Variants in CNTN4 observed in about 807,000 individuals in gnomAD.
CNTN4 encodes contactin-4.
CNTN4 carries 77 observed loss-of-function variants against 122.5 expected under a neutral mutation model. That is an observed-to-expected ratio of 0.63 (90% CI 0.52 to 0.76). The LOEUF is 0.76. Among genes scored for constraint, CNTN4 ranks in the 30% least tolerant of loss-of-function variants. CNTN4 has a pLI of 0.00. For synonymous variants in CNTN4, 512 were observed against 447.0 expected, an observed-to-expected ratio of 1.15 and a Z score of -1.83; for missense variants, 1,256 against 1,259.1, an observed-to-expected ratio of 1.00 and a Z score of 0.04.
chr3:2,781,813 C>T (rs553279445), intron 6 of CNTN4, among the ~76,000 whole-genome samples: 4 of 137,602 alleles, frequency 2.9e-5, no homozygotes, highest in East Asian at 2.0e-4. Flanking sequence ...CAACCTCCGC[C>T]TCCCGGGTTC....
chr3:3,037,814 G>C lies in CNTN4; in HGVS notation c.2092+486G>C, dbSNP rs58817656. 177 of 207,784 alleles carry C rather than the reference G, an allele frequency of 8.5e-4. 6 individuals carry two copies. The East Asian group carries it at 0.018, about 21-fold the overall frequency. The allele number at this position is 207,784 out of a possible 1,614,324, so 12.9% of individuals were successfully genotyped here. On this transcript the variant is annotated intron_variant, in intron 18 of 24. Coordinates refer to ENST00000418658, the MANE Select transcript of CNTN4 (RefSeq NM_175607.3). ...TTTCTTAGGGTATAAACCATTCCCAGAAACGAAGATTCAGAACATCGTGCT... is the reference window on the plus strand; with the variant it reads ...TTTCTTAGGGTATAAACCATTCCCACAAACGAAGATTCAGAACATCGTGCT...
chr3:2,177,875 G>T (rs895206135), intron 2 of CNTN4, among the ~76,000 whole-genome samples: 1 of 152,020 alleles, frequency 6.6e-6, no homozygotes, highest in Non-Finnish European at 1.5e-5. Context: ...GGGCCCCAGA[G>T]CCTAGCCAAG....
chr3:2,451,722 A>G (rs1472748280), intron 3 of CNTN4, among the ~76,000 whole-genome samples: 2 of 152,158 alleles, frequency 1.3e-5, no homozygotes, highest in Non-Finnish European at 2.9e-5. Context: ...CTGATGAAGT[A>G]AGTATTCCAT....
At chr3:2,674,689 C>T (rs1039447084) in intron 4 of CNTN4, among the ~76,000 whole-genome samples, 6 of 151,760 alleles carry the variant, frequency 4.0e-5, no homozygotes, top group South Asian at 2.1e-4. Flanking sequence ...ACCCGGGAGG[C>T]GGAGGTTGCT....
chr3:2,375,574 C>T (rs1200671455), intron 3 of CNTN4, among the ~76,000 whole-genome samples: 1 of 152,102 alleles, frequency 6.6e-6, no homozygotes, highest in Non-Finnish European at 1.5e-5. Flanking sequence ...CAGGTGATTG[C>T]CTAAACACAA....
rs548512015 is a variant in CNTN4, at chr3:2,123,673, C to T, written c.-145+23034C>T. 5.3e-5 allele frequency among the ~76,000 whole-genome samples: 8 copies of T among 152,244 alleles called. No homozygotes were observed. In the East Asian group the frequency reaches 7.7e-4, roughly 15 times the overall value. ...TAGCGCTACACTGGCTGTAATTAGTCGCTGACATATGATGATTTATTATAG... is the reference window on the plus strand; with the variant it reads ...TAGCGCTACACTGGCTGTAATTAGTTGCTGACATATGATGATTTATTATAG... On this transcript the variant is annotated intron_variant, in intron 2 of 24. Coordinates refer to ENST00000418658, the MANE Select transcript of CNTN4 (RefSeq NM_175607.3).
At chr3:2,507,633 G>A (rs2076768101) in intron 3 of CNTN4, among the ~76,000 whole-genome samples, 1 of 151,652 alleles carries the variant, frequency 6.6e-6, no homozygotes, top group African/African-American at 2.4e-5. Context: ...TACTCGGGAG[G>A]CTGAGGCAGG....
chr3:2,214,805 A>G (rs866909934), intron 2 of CNTN4, among the ~76,000 whole-genome samples: 25 of 152,294 alleles, frequency 1.6e-4, no homozygotes, highest in South Asian at 1.2e-3. Context: ...CAGTGAGTAT[A>G]CTCTTTAGCA....
At chr3:2,752,870 G>A (rs1244666867) in intron 6 of CNTN4, among the ~76,000 whole-genome samples, 5 of 152,086 alleles carry the variant, frequency 3.3e-5, no homozygotes, top group East Asian at 3.9e-4. Context: ...AGAATATGTG[G>A]CATTCGTCTT....
intron 2 of CNTN4, among the ~76,000 whole-genome samples, chr3:2,213,853 G>A (rs1422215352): frequency 6.6e-6 from 1 of 152,090 alleles, no homozygotes; most frequent in African/African-American, 2.4e-5. Flanking sequence ...TTCTTATATT[G>A]CACACAACTT....
At chr3:2,857,805 G>A (rs2093632263) in intron 7 of CNTN4, among the ~76,000 whole-genome samples, 2 of 152,004 alleles carry the variant, frequency 1.3e-5, no homozygotes, top group Admixed American at 1.3e-4. Context: ...TGCTAGTCTG[G>A]GCCATTCTTT....
chr3:3,000,673 A>G (rs976835526), intron 14 of CNTN4, among the ~76,000 whole-genome samples: 1 of 152,198 alleles, frequency 6.6e-6, no homozygotes, highest in Admixed American at 6.5e-5. Flanking sequence ...GTCATTTTCT[A>G]TTCATCTTAG....
chr3:2,225,155 A>AC (rs1553604628), intron 2 of CNTN4, among the ~76,000 whole-genome samples: 12 of 148,482 alleles, frequency 8.1e-5, no homozygotes, highest in Non-Finnish European at 1.8e-4. Flanking sequence ...TGTACCCACC[A>AC]CCCCCAAAAA....
chr3:2,403,079 G>A lies in CNTN4; in HGVS notation c.-89+63846G>A, dbSNP rs79699252. Among the ~76,000 whole-genome samples the A allele has an allele frequency of 3.8e-3, 577 of 152,136 alleles. 4 individuals carry two copies. Among genetic ancestry groups the A allele is most frequent in the African/African-American group, 0.014 (565 of 41,514 alleles). On this transcript the variant is annotated intron_variant, in intron 3 of 24. Transcript: ENST00000418658. ...GTCCCATGCCTTTCTTCTAGCTTTG[G>A]GTGGTTTGATAGCAATCCTTGGCCT...
intron 3 of CNTN4, among the ~76,000 whole-genome samples, chr3:2,535,120 G>T (rs1293863105): frequency 2.6e-5 from 4 of 152,080 alleles, no homozygotes; most frequent in South Asian, 2.1e-4. Flanking sequence ...ATTATTTAAA[G>T]GTAATTTTGT....
chr3:2,748,159 A>G (rs1048628508), intron 6 of CNTN4, among the ~76,000 whole-genome samples: 4 of 152,208 alleles, frequency 2.6e-5, no homozygotes, highest in Non-Finnish European at 4.4e-5. Flanking sequence ...TCATGATGTG[A>G]ACTTTTTTCA....
intron 4 of CNTN4, among the ~76,000 whole-genome samples, chr3:2,732,774 A>C (rs1035613855): frequency 6.6e-6 from 1 of 152,136 alleles, no homozygotes; most frequent in Non-Finnish European, 1.5e-5. Flanking sequence ...AAAAGCTAGG[A>C]TATCTGGGTT....
At chr3:3,021,050 C>T (rs1559797691) in intron 14 of CNTN4, among the ~76,000 whole-genome samples, 5 of 152,176 alleles carry the variant, frequency 3.3e-5, no homozygotes, top group Admixed American at 2.6e-4. Context: ...ACTCCATGAG[C>T]ACTGAAATGC....
chr3:2,871,441 C>T (rs963048120), intron 8 of CNTN4, among the ~76,000 whole-genome samples: 3 of 152,020 alleles, frequency 2.0e-5, no homozygotes, highest in African/African-American at 4.8e-5. Flanking sequence ...AAGTGACTAA[C>T]GATGTTAAAC....
Sources: allele counts gnomAD v4.1 joint callset (sites outside exome capture counted in the v4.1 genomes callset), GRCh38; gene constraint gnomAD v4.1.1; transcripts MANE v1.5; gene names NCBI Gene and HGNC (gene_info 2026-07-23, HGNC 2026-07-21).